Variants in PDE4B observed in about 807,000 individuals in gnomAD.
The protein encoded by PDE4B is 3',5'-cyclic-AMP phosphodiesterase 4B.
In PDE4B, 20 loss-of-function variants were observed where a neutral mutation model predicts 82.2. The ratio of observed to expected loss-of-function variants is 0.24; its 90% CI spans 0.17 to 0.35. PDE4B has a LOEUF of 0.35. PDE4B is among the 10% of genes least tolerant of loss of function. The pLI, the probability that PDE4B is intolerant of heterozygous loss-of-function variation, is 1.00. For missense variants in PDE4B, 655 were observed against 907.2 expected, an observed-to-expected ratio of 0.72 and a Z score of 3.57; for synonymous variants, 320 against 318.9, an observed-to-expected ratio of 1.00 and a Z score of -0.04.
chr1:66,245,498 A>G (rs952492862), intron 3 of PDE4B, among the ~76,000 whole-genome samples: 3 of 152,132 alleles, frequency 2.0e-5, no homozygotes, highest in Non-Finnish European at 4.4e-5. Flanking sequence ...GGGGCTTTTT[A>G]TTTTGCTCAA....
At chr1:66,075,962 C>T (rs1243317757) in intron 3 of PDE4B, among the ~76,000 whole-genome samples, 1 of 151,864 alleles carries the variant, frequency 6.6e-6, no homozygotes, top group Non-Finnish European at 1.5e-5. Flanking sequence ...CAAAACAAGT[C>T]TGGGAGCTGA....
chr1:65,992,936 T>TA, intron 3 of PDE4B: 1 of 1,613,850 alleles, frequency 6.2e-7, no homozygotes, highest in Non-Finnish European at 8.5e-7. Context: ...CAAAGGAACT[T>TA]ACTGCTTCTG....
At chr1:66,302,567 A>G (rs901745997) in intron 7 of PDE4B, among the ~76,000 whole-genome samples, 1 of 152,158 alleles carries the variant, frequency 6.6e-6, no homozygotes, top group African/African-American at 2.4e-5. Context: ...GCACTTTCCC[A>G]CATGTAGTCT....
chr1:66,044,545 A>G (rs1217639203), intron 3 of PDE4B, among the ~76,000 whole-genome samples: 1 of 151,774 alleles, frequency 6.6e-6, no homozygotes, highest in East Asian at 1.9e-4. Flanking sequence ...TTTTTTAAGT[A>G]AATGTTTAAA....
At chr1:65,967,374 G>A (rs932938933) in intron 3 of PDE4B, among the ~76,000 whole-genome samples, 4 of 152,146 alleles carry the variant, frequency 2.6e-5, no homozygotes, top group African/African-American at 9.7e-5. Flanking sequence ...TCATTAAAAA[G>A]TCAGGAAACA....
chr1:66,124,181 A>G (rs1422442524), intron 3 of PDE4B, among the ~76,000 whole-genome samples: 1 of 152,228 alleles, frequency 6.6e-6, no homozygotes, highest in Non-Finnish European at 1.5e-5. Context: ...CAGGACTGGC[A>G]TAATGCATAA....
chr1:65,884,666 G>A (rs1326519361), intron 1 of PDE4B, among the ~76,000 whole-genome samples: 1 of 152,158 alleles, frequency 6.6e-6, no homozygotes, highest in East Asian at 1.9e-4. Context: ...TATGTAGAAA[G>A]CTGAAACTGG....
chr1:66,097,683 CTTCTTGAA>C (rs929603406), intron 3 of PDE4B, among the ~76,000 whole-genome samples: 1 of 151,674 alleles, frequency 6.6e-6, no homozygotes, highest in Non-Finnish European at 1.5e-5. Context: ...TTCTCTCTAT[CTTCTTGAA>C]CAAATGAAAC....
At chr1:66,357,020 C>T (rs1198057865) in intron 9 of PDE4B, among the ~76,000 whole-genome samples, 1 of 152,110 alleles carries the variant, frequency 6.6e-6, no homozygotes, top group East Asian at 1.9e-4. Context: ...TCAGATATAC[C>T]CTGCTCTGTG....
At chr1:66,257,909 C>T in intron 6 of PDE4B, 46 bp downstream of exon 6, 1 of 1,252,466 alleles carries the variant, frequency 8.0e-7, no homozygotes, top group Non-Finnish European at 1.2e-6. Flanking sequence ...AACATAAAGG[C>T]AAAAAATATT....
intron 4 of PDE4B, chr1:66,257,347 T>C: frequency 2.1e-6 from 1 of 484,628 alleles, no homozygotes; most frequent in South Asian, 2.0e-5. Context: ...TCGCTTTGAA[T>C]TACAGTACTC....
At chr1:66,053,162 TTAA>T (rs1363812150) in intron 3 of PDE4B, among the ~76,000 whole-genome samples, 3 of 152,228 alleles carry the variant, frequency 2.0e-5, no homozygotes, top group Admixed American at 6.5e-5. Context: ...CTGAAATGCC[TTAA>T]TAATATTTTA....
At chr1:66,034,736 A>G (rs1653976295) in intron 3 of PDE4B, among the ~76,000 whole-genome samples, 1 of 152,176 alleles carries the variant, frequency 6.6e-6, no homozygotes, top group Admixed American at 6.5e-5. Context: ...CTTACATTGC[A>G]TGTGCTTAAT....
In PDE4B at chr1:65,914,603, T is replaced by TA. The variant is rs56913869; in HGVS notation, c.42+1262dup. On this transcript the variant is annotated intron_variant, in intron 2 of 16. Transcript: ENST00000341517. The stretch of plus-strand genomic sequence containing the variant: ...CTGGAATTTAGAAAACTTTTTTTCT[T>TA]AAAAAAAAAAAAAAAGGCTTGTGAT... Among the ~76,000 whole-genome samples the TA allele has an allele frequency of 7.6e-3, 1,069 of 139,792 alleles. 11 individuals carry two copies. Among genetic ancestry groups the TA allele is most frequent in the African/African-American group, 0.025 (950 of 38,010 alleles). The allele number at this position is 139,792 out of a possible 152,430, so 91.7% of individuals were successfully genotyped here.
At chr1:66,283,377 A>G (rs1005782075) in intron 7 of PDE4B, among the ~76,000 whole-genome samples, 2 of 151,664 alleles carry the variant, frequency 1.3e-5, no homozygotes, top group African/African-American at 2.4e-5. Flanking sequence ...GTATATATGT[A>G]TATATATATG....
intron 3 of PDE4B, among the ~76,000 whole-genome samples, chr1:66,031,846 CTG>C (rs1174248257): frequency 6.6e-6 from 1 of 152,052 alleles, no homozygotes; most frequent in African/African-American, 2.4e-5. Flanking sequence ...AACTTTTAAA[CTG>C]TGTTTAAGTG....
chr1:66,042,064 C>G (rs1654418684), intron 3 of PDE4B, among the ~76,000 whole-genome samples: 1 of 151,836 alleles, frequency 6.6e-6, no homozygotes, highest in African/African-American at 2.4e-5. Context: ...TTTAATGAGA[C>G]ATTTTCAAAG....
intron 3 of PDE4B, among the ~76,000 whole-genome samples, chr1:66,013,799 C>A (rs891428551): frequency 1.3e-5 from 2 of 152,156 alleles, no homozygotes; most frequent in South Asian, 4.1e-4. Flanking sequence ...ACTTTTATTT[C>A]TTTGGGGTAT....
intron 7 of PDE4B, among the ~76,000 whole-genome samples, chr1:66,323,526 T>G (rs1345393393): frequency 2.0e-5 from 3 of 152,204 alleles, no homozygotes; most frequent in Non-Finnish European, 4.4e-5. Flanking sequence ...AGTTTCATGA[T>G]GTGCCTACAA....
Sources: gnomAD v4.1 joint callset for allele counts (sites outside exome capture counted in the v4.1 genomes callset) on GRCh38, gnomAD v4.1.1 for gene constraint, MANE v1.5 for transcripts, NCBI Gene and HGNC (gene_info 2026-07-23, HGNC 2026-07-21) for gene names.